Variants in DACH2 observed in about 807,000 individuals in gnomAD.
DACH2 encodes the protein dachshund family transcription factor 2, also known as dachshund homolog 2.
DACH2 carries 17 observed loss-of-function variants against 35.8 expected under a neutral mutation model. The ratio of observed to expected loss-of-function variants is 0.48; its 90% CI spans 0.33 to 0.71. DACH2 has a LOEUF of 0.71. Ranked by LOEUF, DACH2 falls within the 30% of genes least tolerant of loss-of-function variation. The probability of loss-of-function intolerance (pLI) is 0.02; values close to 1 mark genes in which losing one functional copy is unlikely to be tolerated. For missense variants in DACH2, 469 were observed against 472.7 expected (o/e 0.99, Z 0.07); for synonymous variants, 195 against 177.3 (o/e 1.10, Z -0.79).
intron 7 of DACH2, among the ~76,000 whole-genome samples, chrX:86,796,219 C>T (rs774994345): frequency 9.0e-6 from 1 of 111,658 alleles, no homozygotes; most frequent in African/African-American, 3.3e-5. Context: ...CTGACTGGTG[C>T]GTTTTTACAG....
chrX:86,564,409 G>C (rs184352117), intron 3 of DACH2, among the ~76,000 whole-genome samples: 128 of 111,136 alleles, frequency 1.2e-3, no homozygotes, highest in African/African-American at 4.1e-3. Context: ...TCTGGAAATA[G>C]TAAGTAAGTG....
At chrX:86,345,378 C>T in intron 1 of DACH2, 1 of 274,055 alleles carries the variant, frequency 3.6e-6, no homozygotes, top group Non-Finnish European at 6.9e-6. Context: ...CAATAGATTT[C>T]CTGACATGAA....
At chrX:86,620,214 C>T (rs1602707678) in intron 3 of DACH2, among the ~76,000 whole-genome samples, 1 of 111,555 alleles carries the variant, frequency 9.0e-6, no homozygotes, top group East Asian at 2.8e-4. Flanking sequence ...GTTAACTAGT[C>T]CTTTATGGCC....
At chrX:86,277,398 A>G (rs2033936385) in intron 1 of DACH2, among the ~76,000 whole-genome samples, 1 of 111,848 alleles carries the variant, frequency 8.9e-6, no homozygotes. Context: ...GCCATTTGAT[A>G]TTGGAATACA....
At chrX:86,563,904 G>T (rs1433498923) in intron 3 of DACH2, among the ~76,000 whole-genome samples, 1 of 110,809 alleles carries the variant, frequency 9.0e-6, no homozygotes, top group Admixed American at 9.7e-5. Context: ...ATATTTTATT[G>T]ATTATACAAA....
At position 86,300,651 on chromosome X, in the gene DACH2, A is replaced by T. The variant is rs574243746; in HGVS notation, c.489-76173A>T. On this transcript the variant is annotated intron_variant, in intron 1 of 11. Coordinates refer to ENST00000373125, the MANE Select transcript of DACH2 (RefSeq NM_053281.3). ...GTATACATATGTAACAAACCTGCACATTGTGCACATGTACCCTAAAACTTA... is the reference window on the plus strand; with the variant it reads ...GTATACATATGTAACAAACCTGCACTTTGTGCACATGTACCCTAAAACTTA... 2.3e-4 allele frequency among the ~76,000 whole-genome samples: 26 copies of T among 111,632 alleles called. No homozygotes were observed. In the South Asian group the frequency reaches 7.2e-3, roughly 31 times the overall value.
intron 11 of DACH2, among the ~76,000 whole-genome samples, chrX:86,820,860 A>G (rs944654383): frequency 1.8e-5 from 2 of 110,519 alleles, no homozygotes; most frequent in Non-Finnish European, 3.8e-5. Flanking sequence ...TTACTAACCT[A>G]AAACAACATT....
intron 3 of DACH2, among the ~76,000 whole-genome samples, chrX:86,592,992 A>G (rs2039666703): frequency 9.0e-6 from 1 of 111,670 alleles, no homozygotes; most frequent in Non-Finnish European, 1.9e-5. Flanking sequence ...TTCAATATGT[A>G]TATCCTGTAT....
chrX:86,725,603 T>C (rs1419011008), intron 6 of DACH2, among the ~76,000 whole-genome samples: 6 of 111,041 alleles, frequency 5.4e-5, no homozygotes, highest in Admixed American at 1.9e-4. Flanking sequence ...GCACCAGTGT[T>C]GATGAGTCCT....
chrX:86,690,134 T>G (rs1279411748), intron 4 of DACH2, among the ~76,000 whole-genome samples: 2 of 112,200 alleles, frequency 1.8e-5, no homozygotes, highest in African/African-American at 6.5e-5. Context: ...TCACTCATTC[T>G]TAACAACACG....
At position 86,720,883 on chromosome X, in the gene DACH2, T is replaced by C. The variant is rs372561477; in HGVS notation, c.1104+6163T>C. On this transcript the variant is annotated intron_variant, in intron 6 of 11. Transcript: ENST00000373125. ...AAAGGTTTCCATACATCCTCTGAAATGTAGGCAGAGGTCCCCAAACCTCAA... is the reference window on the plus strand; with the variant it reads ...AAAGGTTTCCATACATCCTCTGAAACGTAGGCAGAGGTCCCCAAACCTCAA... Among the ~76,000 whole-genome samples the C allele has an allele frequency of 2.6e-4, 29 of 112,704 alleles. No homozygotes were observed. In the East Asian group the frequency reaches 5.9e-3, roughly 23 times the overall value.
intron 2 of DACH2, among the ~76,000 whole-genome samples, chrX:86,432,367 C>G (rs1351556269): frequency 1.8e-5 from 2 of 112,046 alleles, no homozygotes; most frequent in African/African-American, 6.5e-5. Context: ...AAACAAATAT[C>G]ACCAAATGAG....
chrX:86,376,715 A>G (rs769750547), intron 1 of DACH2, 109 bp from the exon 2 acceptor site: 679 of 1,015,255 alleles, frequency 6.7e-4, no homozygotes, highest in Non-Finnish European at 8.5e-4. Context: ...AGAATTTAGG[A>G]AGATGTTTTG....
chrX:86,317,892 G>C (rs1408842827), intron 1 of DACH2, among the ~76,000 whole-genome samples: 1 of 111,333 alleles, frequency 9.0e-6, no homozygotes, highest in Non-Finnish European at 1.9e-5. Context: ...CTACACAGGG[G>C]CTGTGTAGAC....
At chrX:86,690,734 A>G (rs1160025904) in intron 4 of DACH2, among the ~76,000 whole-genome samples, 1 of 112,049 alleles carries the variant, frequency 8.9e-6, no homozygotes, top group African/African-American at 3.2e-5. Context: ...TCTTACACTG[A>G]TTCTAACTAA....
chrX:86,386,799 T>C (rs2148114101), intron 2 of DACH2, among the ~76,000 whole-genome samples: 1 of 111,133 alleles, frequency 9.0e-6, no homozygotes, highest in African/African-American at 3.3e-5. Context: ...CCTGCTCCAG[T>C]CCTGGAGTCA....
At chrX:86,706,669 C>T (rs945642283) in intron 5 of DACH2, among the ~76,000 whole-genome samples, 13 of 109,386 alleles carry the variant, frequency 1.2e-4, no homozygotes, top group East Asian at 5.7e-4. Flanking sequence ...TGGAATTAAA[C>T]GAGAAGCCAA....
At chrX:86,719,638 G>A (rs925681196) in intron 6 of DACH2, among the ~76,000 whole-genome samples, 2 of 111,596 alleles carry the variant, frequency 1.8e-5, no homozygotes, top group Middle Eastern at 8.4e-3. Context: ...CAGCAGGAGA[G>A]AGAATGACCG....
At chrX:86,355,653 A>T (rs538947992) in intron 1 of DACH2, among the ~76,000 whole-genome samples, 17 of 111,652 alleles carry the variant, frequency 1.5e-4, no homozygotes, top group Non-Finnish European at 2.4e-4. Flanking sequence ...CATCAGCCCT[A>T]AAGTAGCTGG....
Sources: gnomAD v4.1 joint callset for allele counts (sites outside exome capture counted in the v4.1 genomes callset) on GRCh38, gnomAD v4.1.1 for gene constraint, MANE v1.5 for transcripts, NCBI Gene and HGNC (gene_info 2026-07-23, HGNC 2026-07-21) for gene names.